TNMD: variants seen among roughly 807,000 people sequenced by gnomAD.
The protein encoded by TNMD is BRICHOS domain containing 4.
Under a neutral mutation model 26.9 loss-of-function variants are expected in TNMD, and 15 were observed. The ratio of observed to expected loss-of-function variants is 0.56; its 90% CI spans 0.37 to 0.86. The LOEUF (loss-of-function observed/expected upper bound fraction) is 0.86, where lower values mean the gene tolerates loss of function less well. Ranked by LOEUF, TNMD falls within the 40% of genes least tolerant of loss-of-function variation. TNMD has a pLI of 0.00. For synonymous variants in TNMD, 73 were observed against 77.0 expected (o/e 0.95, Z 0.27); for missense variants, 222 against 242.6 (o/e 0.92, Z 0.56).
rs771122372 is a variant in TNMD, at chrX:100,585,327, G to C, written c.145G>C (p.Gly49Arg). The change falls in exon 2 of 7, where the codon GGG (glycine) becomes CGG (arginine). Residue 49 changes from glycine (G) to arginine (R), a missense_variant. Coordinates refer to ENST00000373031, the MANE Select transcript of TNMD (RefSeq NM_022144.3). ...LALTLIVLFW[G>R]SKHFWPEVPK... ...CCTAACTCTAATTGTCCTGTTTTGG[G>C]GGAGCAAGCACTTCTGGCCGGAGGT... The C allele has an allele frequency of 8.3e-7, 1 of 1,210,858 alleles. No individual in the cohort carries two copies. Among genetic ancestry groups the C allele is most frequent in the Non-Finnish European group, 1.1e-6 (1 of 895,030 alleles).
intron 2 of TNMD, among the ~76,000 whole-genome samples, chrX:100,586,657 G>T (rs956414085): frequency 5.4e-5 from 6 of 111,125 alleles, no homozygotes; most frequent in Admixed American, 9.6e-5. Context: ...TTTATACTTT[G>T]TTCCAGAAAA....
intron 2 of TNMD, 162 bp from the exon 3 acceptor site, chrX:100,593,733 G>C (rs1288849857): frequency 3.9e-6 from 2 of 511,586 alleles, no homozygotes; most frequent in Admixed American, 8.7e-5. Flanking sequence ...AGTCAAGGCT[G>C]CCAAGAAAAC....
rs1363687528 is a variant in TNMD at position 100,597,381 on chromosome X, C to G, written c.424-123C>G. On this transcript the variant is annotated intron_variant, in intron 4 of 6. Transcript: ENST00000373031. ...GAATGCAAGGCACAGAGCTAGTTCACCAGCAGCCCTAGGATTAAAATTGTT... is the reference window on the plus strand; with the variant it reads ...GAATGCAAGGCACAGAGCTAGTTCAGCAGCAGCCCTAGGATTAAAATTGTT... The G allele has an allele frequency of 3.6e-6, 3 of 834,460 alleles. No individual in the cohort carries two copies. The African/African-American group carries it at 6.2e-5, about 17-fold the overall frequency. 68.8% of individuals were successfully genotyped at this position (834,460 alleles called of 1,213,427 possible).
At chrX:100,597,970 T>C (rs962600734) in intron 5 of TNMD, among the ~76,000 whole-genome samples, 1 of 110,301 alleles carries the variant, frequency 9.1e-6, no homozygotes, top group African/African-American at 3.3e-5. Context: ...GCCAGACTAT[T>C]GCTCAAACCA....
intron 4 of TNMD, among the ~76,000 whole-genome samples, chrX:100,595,257 C>T (rs2359744): frequency 1.8e-5 from 2 of 110,888 alleles, no homozygotes; most frequent in Non-Finnish European, 3.8e-5. Flanking sequence ...ATGGCAATGG[C>T]AGAATGATCT....
rs1247067389 is a variant in TNMD at position 100,599,674 on chromosome X, T to C, written c.911T>C (p.Met304Thr). Reference sequence around the variant, plus strand: ...GGACGAGTCATCTGTCGTGTCATCATGCCTTGTAACTGGTGGGTGGCCCGC... The same window carrying C: ...GGACGAGTCATCTGTCGTGTCATCACGCCTTGTAACTGGTGGGTGGCCCGC... ...QGGRVICRVIMPCNWWVARML... is the reference protein window; with the variant it reads ...QGGRVICRVITPCNWWVARML... The change falls in exon 7 of 7, where the codon ATG becomes ACG. Residue 304 changes from methionine (M) to threonine (T), a missense_variant. By Grantham distance (81) the Met-to-Thr change is moderately conservative. Coordinates refer to ENST00000373031, the MANE Select transcript of TNMD (RefSeq NM_022144.3). 1.7e-6 allele frequency: 2 copies of C among 1,209,929 alleles called. No homozygotes were observed. The highest frequency in any genetic ancestry group is 2.2e-6 in the Non-Finnish European group (2 of 895,315).
chrX:100,597,579 G>T lies in TNMD; in HGVS notation c.499G>T (p.Asp167Tyr). ...VPAEKPIENR[D>Y]FLKNSKILEI... The stretch of plus-strand genomic sequence containing the variant: ...AGCAGAAAAGCCTATTGAAAACCGA[G>T]ATTTTCTTAAAAATTCCAAAATTCT... The change falls in exon 5 of 7, where the codon GAT becomes TAT. Residue 167 changes from aspartate (D) to tyrosine (Y), a missense_variant. Coordinates refer to ENST00000373031, the MANE Select transcript of TNMD (RefSeq NM_022144.3). The T allele has an allele frequency of 8.3e-7, 1 of 1,211,111 alleles. No homozygotes were observed. The highest frequency in any genetic ancestry group is 1.1e-6 in the Non-Finnish European group (1 of 895,036).
intron 2 of TNMD, among the ~76,000 whole-genome samples, chrX:100,585,751 CA>C (rs2082920473): frequency 8.9e-6 from 1 of 112,434 alleles, no homozygotes; most frequent in Admixed American, 9.4e-5. Context: ...AGAAACCACC[CA>C]AAGTGGCAGC....
At chrX:100,587,024 C>A (rs2082923853) in intron 2 of TNMD, among the ~76,000 whole-genome samples, 2 of 112,347 alleles carry the variant, frequency 1.8e-5, no homozygotes, top group African/African-American at 6.5e-5. Context: ...ATAGCTAGTC[C>A]TTTTGACCAC....
At chrX:100,585,894 C>T (rs1460705268) in intron 2 of TNMD, among the ~76,000 whole-genome samples, 1 of 112,435 alleles carries the variant, frequency 8.9e-6, no homozygotes, top group Non-Finnish European at 1.9e-5. Flanking sequence ...GAAACTAGAG[C>T]TTTTCAGCTC....
chrX:100,599,834 T>G lies in TNMD; in HGVS notation c.*117T>G. 1 of 594,690 alleles carries G rather than the reference T, an allele frequency of 1.7e-6. No individual in the cohort carries two copies. The highest frequency in any genetic ancestry group is 2.7e-6 in the Non-Finnish European group (1 of 376,660). 49.0% of individuals were successfully genotyped at this position (594,690 alleles called of 1,213,427 possible). ...CTGGTAGCCAGCTCTCCAGAATTAC[T>G]TGTAGGTAATTCCTCTCTTCATGTT... On this transcript the variant is annotated 3_prime_UTR_variant, in exon 7 of 7. Transcript: ENST00000373031.
In TNMD at chrX:100,594,030, A is replaced by G; in HGVS notation, c.316A>G (p.Lys106Glu). ...TDETLEVHDF[K>E]NGYTGIYFVG... is the part of the protein sequence containing the mutation. ...TGAAACATTGGAAGTGCACGACTTT[A>G]AAAACGTAAGTTGGATGTTTTCCTC... Residue 106 changes from lysine to glutamate, a missense_variant, in exon 3 of 7, where the codon AAA (lysine) becomes GAA (glutamate). Transcript: ENST00000373031. 1 of 1,209,337 alleles carries G rather than the reference A, an allele frequency of 8.3e-7. No homozygotes were observed. The highest frequency in any genetic ancestry group is 1.1e-6 in the Non-Finnish European group (1 of 894,187).
chrX:100,588,289 GACTC>G (rs2082927653), intron 2 of TNMD, among the ~76,000 whole-genome samples: 2 of 109,866 alleles, frequency 1.8e-5, no homozygotes, highest in African/African-American at 3.3e-5. Context: ...CACACGCACA[GACTC>G]ACACACACAC....
chrX:100,587,626 A>C (rs2082925555), intron 2 of TNMD, among the ~76,000 whole-genome samples: 1 of 111,856 alleles, frequency 8.9e-6, no homozygotes, highest in Admixed American at 9.4e-5. Context: ...TTCATTGAAA[A>C]CTAAGAAATC....
At chrX:100,590,655 C>G (rs2082934633) in intron 2 of TNMD, among the ~76,000 whole-genome samples, 1 of 111,718 alleles carries the variant, frequency 9.0e-6, no homozygotes, top group Non-Finnish European at 1.9e-5. Context: ...ACATATCTGT[C>G]TCATTTCACT....
intron 2 of TNMD, among the ~76,000 whole-genome samples, chrX:100,588,146 A>G (rs760476218): frequency 5.4e-4 from 60 of 111,762 alleles, no homozygotes; most frequent in Non-Finnish European, 7.1e-4. Flanking sequence ...TGACATTTCC[A>G]TGCCAATAAG....
Position 100,597,652 on chromosome X carries a change from T to C in TNMD, c.572T>C (p.Ile191Thr). 1 of 1,207,638 alleles carries C rather than the reference T, an allele frequency of 8.3e-7. No individual in the cohort carries two copies. The highest frequency in any genetic ancestry group is 1.8e-5 in the South Asian group (1 of 56,835). The change falls in exon 5 of 7, where the codon ATA becomes ACA. Residue 191 changes from isoleucine to threonine, a missense_variant. Coordinates refer to ENST00000373031, the MANE Select transcript of TNMD (RefSeq NM_022144.3). ...ATGTATTGGATCAATCCCACTCTAATATCAGGTATGACATTCTTATCCTCA... is the reference window on the plus strand; with the variant it reads ...ATGTATTGGATCAATCCCACTCTAACATCAGGTATGACATTCTTATCCTCA... ...VTMYWINPTL[I>T]SVSELQDFEE...
At chrX:100,588,336 G>A (rs755924790) in intron 2 of TNMD, among the ~76,000 whole-genome samples, 3 of 111,051 alleles carry the variant, frequency 2.7e-5, no homozygotes, top group Admixed American at 9.6e-5. Flanking sequence ...AGACCAGAGA[G>A]AGAATGAAAT....
chrX:100,590,962 T>G (rs1254450851), intron 2 of TNMD, among the ~76,000 whole-genome samples: 1 of 111,547 alleles, frequency 9.0e-6, no homozygotes, highest in Non-Finnish European at 1.9e-5. Context: ...AACAGACAAA[T>G]ATTCATCACT....
Sources: gnomAD v4.1 joint callset for allele counts (sites outside exome capture counted in the v4.1 genomes callset) on GRCh38, gnomAD v4.1.1 for gene constraint, MANE v1.5 for transcripts, NCBI Gene and HGNC (gene_info 2026-07-23, HGNC 2026-07-21) for gene names.